Variants in HTT observed in about 807,000 individuals in gnomAD.
The protein encoded by HTT is huntingtin, also known as huntington disease protein.
A neutral mutation model predicts 362.3 loss-of-function variants in HTT; 104 were observed. The observed-to-expected ratio is 0.29, with a 90% confidence interval of 0.24 to 0.34. The LOEUF is 0.34. HTT is among the 10% of genes least tolerant of loss of function. The pLI, the probability that HTT is intolerant of heterozygous loss-of-function variation, is 1.00. For synonymous variants in HTT, 1,577 were observed against 1,548.7 expected (o/e 1.02, Z -0.43); for missense variants, 3,301 against 3,928.6 (o/e 0.84, Z 4.27).
At chr4:3,135,571 G>A (rs1019440526) in intron 19 of HTT, among the ~76,000 whole-genome samples, 2 of 152,098 alleles carry the variant, frequency 1.3e-5, no homozygotes, top group Admixed American at 6.5e-5. Flanking sequence ...GAGCGTGCAT[G>A]AGTGGGCAGC....
chr4:3,163,635 C>T (rs1007387714), intron 29 of HTT, among the ~76,000 whole-genome samples: 1 of 152,140 alleles, frequency 6.6e-6, no homozygotes. Context: ...CAGCTTTTTT[C>T]TGGTTTAGTC....
chr4:3,165,988 G>A (rs1717683427), intron 29 of HTT, among the ~76,000 whole-genome samples: 1 of 152,128 alleles, frequency 6.6e-6, no homozygotes, highest in Non-Finnish European at 1.5e-5. Context: ...AGGAGAAGAG[G>A]TGTTCTGGTT....
At chr4:3,205,186 T>TAATC (rs574949925) in intron 42 of HTT, among the ~76,000 whole-genome samples, 1 of 152,310 alleles carries the variant, frequency 6.6e-6, no homozygotes, top group South Asian at 2.1e-4. Flanking sequence ...AAACCTCCTG[T>TAATC]AATCATACTA....
chr4:3,238,415 T>G, intron 64 of HTT, 32 bp from the exon 65 acceptor site: 1 of 1,563,980 alleles, frequency 6.4e-7, no homozygotes, highest in East Asian at 2.3e-5. Context: ...TGGGAGCTGG[T>G]GCCAGTCTCT....
In HTT at chr4:3,122,916, T is replaced by C; in HGVS notation, c.1301T>C (p.Val434Ala). The change falls in exon 10 of 67, where the codon GTC becomes GCC. Residue 434 changes from valine to alanine, a missense_variant. By Grantham distance (64) the Val-to-Ala change is moderately conservative. Around this residue, in one of 4 missense-constraint regions of HTT, gnomAD observed 2,316 missense variants for 2,658.5 expected, o/e 0.87. Coordinates refer to ENST00000355072, the MANE Select transcript of HTT (RefSeq NM_001388492.1). The stretch of plus-strand genomic sequence containing the variant: ...GGAGGGGGTTCCTCATGCAGCCCTG[T>C]CCTTTCAAGAAAACAAAAAGGTGAT... ...IAGGGSSCSP[V>A]LSRKQKGKVL... 6.2e-7 allele frequency: 1 copy of C among 1,612,188 alleles called. No individual in the cohort carries two copies. The highest frequency in any genetic ancestry group is 8.5e-7 in the Non-Finnish European group (1 of 1,178,984).
intron 8 of HTT, among the ~76,000 whole-genome samples, chr4:3,119,799 C>A (rs1041579176): frequency 8.5e-5 from 13 of 152,266 alleles, no homozygotes; most frequent in Admixed American, 5.9e-4. Context: ...CCAGGAGATT[C>A]TTTGTTCAAA....
intron 37 of HTT, among the ~76,000 whole-genome samples, chr4:3,183,424 T>G (rs1184562374): frequency 2.0e-5 from 3 of 152,256 alleles, no homozygotes; most frequent in Non-Finnish European, 4.4e-5. Flanking sequence ...TGAGGTTGCC[T>G]TTTAAGTGGA....
chr4:3,146,087 C>T (rs948461412), intron 24 of HTT, among the ~76,000 whole-genome samples: 1 of 152,160 alleles, frequency 6.6e-6, no homozygotes, highest in African/African-American at 2.4e-5. Flanking sequence ...TATGGGTAGA[C>T]ACCATAATCC....
At chr4:3,110,173 T>TTA (rs1714673862) in intron 6 of HTT, among the ~76,000 whole-genome samples, 1 of 152,214 alleles carries the variant, frequency 6.6e-6, no homozygotes, top group Admixed American at 6.5e-5. Flanking sequence ...TGTGCCTTGA[T>TTA]TATATGTCTT....
At chr4:3,136,098 TATA>T in intron 20 of HTT, 125 bp from the exon 21 acceptor site, 1 of 899,668 alleles carries the variant, frequency 1.1e-6, no homozygotes, top group South Asian at 1.7e-5. Context: ...TCATGAAAGT[TATA>T]ATCTTGTCAT....
At chr4:3,188,011 G>A in intron 39 of HTT, 125 bp downstream of exon 39, 2 of 629,314 alleles carry the variant, frequency 3.2e-6, no homozygotes, top group Non-Finnish European at 5.6e-6. Context: ...AAAGAAGTCT[G>A]TATCAGTGTA....
chr4:3,216,114 C>A (rs1345823279), intron 51 of HTT, among the ~76,000 whole-genome samples: 2 of 152,320 alleles, frequency 1.3e-5, no homozygotes, highest in East Asian at 3.9e-4. Flanking sequence ...TTTCTCCCCG[C>A]TTTTGTGCAA....
At chr4:3,181,180 C>A (rs1718509178) in intron 36 of HTT, among the ~76,000 whole-genome samples, 1 of 152,128 alleles carries the variant, frequency 6.6e-6, no homozygotes, top group East Asian at 1.9e-4. Flanking sequence ...CCATGCCCAG[C>A]CTGGTGTTTA....
At position 3,206,090 on chromosome 4, in the gene HTT, T is replaced by C. The variant is rs1456853491; in HGVS notation, c.5719-406T>C. 6.6e-6 allele frequency among the ~76,000 whole-genome samples: 1 copy of C among 152,228 alleles called. No homozygotes were observed. The highest frequency in any genetic ancestry group is 6.5e-5 in the Admixed American group (1 of 15,290). ...AAAAAGAGTAATTGGAGAACCCCAC[T>C]GGCTTAGCCGGCCCGAAGCCCGGGA... On this transcript the variant is annotated intron_variant, in intron 42 of 66. Transcript: ENST00000355072. This position sits in a 1 kb window ranked among gnomAD's most constrained non-coding sequence, Gnocchi z 4.6.
At chr4:3,086,316 C>T (rs1713204305) in intron 1 of HTT, among the ~76,000 whole-genome samples, 1 of 152,128 alleles carries the variant, frequency 6.6e-6, no homozygotes, top group South Asian at 2.1e-4. Context: ...GGCTGTATGA[C>T]TTCATATCTG....
At chr4:3,099,799 A>G (rs1242424318) in intron 3 of HTT, among the ~76,000 whole-genome samples, 11 of 126,768 alleles carry the variant, frequency 8.7e-5, no homozygotes, top group African/African-American at 2.4e-4. Flanking sequence ...TGGTTTGGAG[A>G]TGCTCTATTG....
At chr4:3,238,794 C>G (rs909195973) in intron 65 of HTT, 24 bp from the exon 66 acceptor site, 2 of 1,560,216 alleles carry the variant, frequency 1.3e-6, no homozygotes, top group Admixed American at 3.5e-5. Flanking sequence ...CCCTGACACT[C>G]AGGCACCTGC....
At chr4:3,169,573 C>T (rs548238561) in intron 29 of HTT, among the ~76,000 whole-genome samples, 5 of 151,792 alleles carry the variant, frequency 3.3e-5, no homozygotes, top group South Asian at 4.2e-4. Flanking sequence ...TCCTGTCCAG[C>T]GTATTTTTTT....
chr4:3,140,276 A>G (rs1455034235), intron 21 of HTT, among the ~76,000 whole-genome samples: 2 of 150,758 alleles, frequency 1.3e-5, no homozygotes, highest in African/African-American at 2.4e-5. Context: ...AAAAAAAAAA[A>G]GAAAAAAAGA....
Sources: allele counts gnomAD v4.1 joint callset (sites outside exome capture counted in the v4.1 genomes callset), GRCh38; gene constraint gnomAD v4.1.1; regional missense constraint gnomAD v4.1.1; non-coding constraint Gnocchi (gnomAD v3.1); transcripts MANE v1.5; gene names NCBI Gene and HGNC (gene_info 2026-07-23, HGNC 2026-07-21).